COL28A1: variants seen among roughly 807,000 people sequenced by gnomAD.
COL28A1 encodes collagen alpha-1(XXVIII) chain.
A neutral mutation model predicts 150.2 loss-of-function variants in COL28A1; 161 were observed. That is an observed-to-expected ratio of 1.07 (90% CI 0.94 to 1.22). COL28A1 has a LOEUF of 1.22. Among genes scored for constraint, COL28A1 ranks in the 50% most tolerant of loss-of-function variants. The pLI, the probability that COL28A1 is intolerant of heterozygous loss-of-function variation, is 0.00. For synonymous variants in COL28A1, 552 were observed against 469.7 expected (o/e 1.18, Z -2.26); for missense variants, 1,617 against 1,388.3 (o/e 1.16, Z -2.62).
chr7:7,532,795 T>G lies in COL28A1; in HGVS notation c.81A>C (p.Lys27Asn), dbSNP rs1225482751. The change falls in exon 2 of 35, where the codon AAA becomes AAC. Residue 27 changes from lysine (K) to asparagine (N), a missense_variant. Coordinates refer to ENST00000399429, the MANE Select transcript of COL28A1 (RefSeq NM_001037763.3). ...TSQTVSGQRK[K>N]GPKSNLLARK... Reference sequence around the variant, plus strand: ...TTGCAAGCAAATTTGATTTTGGTCCTTTCTTTCTTTGTCCGGATACTGTTT... The same window carrying G: ...TTGCAAGCAAATTTGATTTTGGTCCGTTCTTTCTTTGTCCGGATACTGTTT... 2.7e-5 allele frequency: 43 copies of G among 1,612,062 alleles called. No homozygotes were observed. Among genetic ancestry groups the G allele is most frequent in the Non-Finnish European group, 3.6e-5 (43 of 1,179,256 alleles).
chr7:7,366,546 T>C (rs1182445466), intron 33 of COL28A1, among the ~76,000 whole-genome samples: 1 of 152,244 alleles, frequency 6.6e-6, no homozygotes, highest in Non-Finnish European at 1.5e-5. Context: ...TAAATAATAC[T>C]TGTACAGCAA....
At chr7:7,516,943 T>G (rs1278682117) in intron 7 of COL28A1, among the ~76,000 whole-genome samples, 4 of 152,094 alleles carry the variant, frequency 2.6e-5, no homozygotes. Flanking sequence ...AACTTCCAAA[T>G]GTGTGGTCAA....
chr7:7,536,934 T>G (rs1583597553), upstream of COL28A1, among the ~76,000 whole-genome samples: 1 of 152,276 alleles, frequency 6.6e-6, no homozygotes, highest in Non-Finnish European at 1.5e-5. Flanking sequence ...AACTGTGACA[T>G]AAAGTGAAAC....
the COL28A1 span, among the ~76,000 whole-genome samples, chr7:7,349,610 T>G: frequency 2.0e-4 from 31 of 152,142 alleles, no homozygotes; most frequent in Non-Finnish European, 4.1e-4. Flanking sequence ...GGCTCTGACT[T>G]GGTGTCCCCT....
rs745925326 is a variant in COL28A1, at chr7:7,381,584, C to T, written c.2165G>A (p.Gly722Asp). ...GCCATGGCCCATTGTGCCCTTTGGG[C>T]CTGGGAAGCCTTGTGGTCCTTGTTC... ...KGEQGPQGFP[G>D]PKGTMGHGLP... The change falls in exon 28 of 35, where the codon GGC becomes GAC. Residue 722 changes from glycine (G) to aspartate (D), a missense_variant. Coordinates refer to ENST00000399429, the MANE Select transcript of COL28A1 (RefSeq NM_001037763.3). 1.4e-5 allele frequency: 23 copies of T among 1,613,870 alleles called. No homozygotes were observed. In the East Asian group the frequency reaches 4.7e-4, roughly 33 times the overall value.
intron 13 of COL28A1, among the ~76,000 whole-genome samples, chr7:7,486,161 G>A (rs1266795529): frequency 1.3e-5 from 2 of 152,030 alleles, no homozygotes; most frequent in Non-Finnish European, 2.9e-5. Flanking sequence ...AGCCCTATAT[G>A]TGTCTTATTA....
chr7:7,380,884 G>C, intron 28 of COL28A1, 22 bp from the exon 29 acceptor site: 1 of 1,589,368 alleles, frequency 6.3e-7, no homozygotes. Flanking sequence ...AGGGTAAAAT[G>C]ATAGGTTCAG....
chr7:7,531,093 T>A (rs1045265772), intron 3 of COL28A1, among the ~76,000 whole-genome samples: 5 of 152,124 alleles, frequency 3.3e-5, no homozygotes, highest in African/African-American at 1.2e-4. Flanking sequence ...AAATAACCCC[T>A]TCCAAAATCC....
Position 7,373,024 on chromosome 7 carries a change from T to C in COL28A1, c.2882A>G (p.Gln961Arg). Reference protein sequence around the residue: ...LIATDPEHVYQFDDFFTLQDT... With the variant: ...LIATDPEHVYRFDDFFTLQDT... ...TTGCAGGGTAAAGAAATCATCAAAC[T>C]GGTAAACATGCTCTGGGTCAGTAGC... The change falls in exon 32 of 35, where the codon CAG becomes CGG. Residue 961 changes from glutamine to arginine, a missense_variant. Coordinates refer to ENST00000399429, the MANE Select transcript of COL28A1 (RefSeq NM_001037763.3). The surrounding 1 kb of genome is among the most constrained non-coding windows in gnomAD (Gnocchi z 4.1). 2 of 1,614,002 alleles carry C rather than the reference T, an allele frequency of 1.2e-6. No individual in the cohort carries two copies. Among genetic ancestry groups the C allele is most frequent in the South Asian group, 2.2e-5 (2 of 91,012 alleles).
At chr7:7,446,468 C>G (rs977532802) in intron 18 of COL28A1, among the ~76,000 whole-genome samples, 14 of 152,130 alleles carry the variant, frequency 9.2e-5, no homozygotes, top group African/African-American at 3.4e-4. Flanking sequence ...TCTACTTTCT[C>G]TCTCTCCAAG....
intron 23 of COL28A1, among the ~76,000 whole-genome samples, chr7:7,436,151 A>G (rs774501025): frequency 6.6e-5 from 10 of 152,228 alleles, no homozygotes; most frequent in Non-Finnish European, 1.2e-4. Flanking sequence ...TGACAGTGCA[A>G]AAGAGCATTT....
chr7:7,485,008 A>G (rs1779544527), intron 13 of COL28A1, among the ~76,000 whole-genome samples: 1 of 152,188 alleles, frequency 6.6e-6, no homozygotes. Flanking sequence ...GAGGATGGAT[A>G]AATTGCCTAT....
chr7:7,343,194 A>G, the COL28A1 span, among the ~76,000 whole-genome samples: 2 of 150,508 alleles, frequency 1.3e-5, no homozygotes, highest in South Asian at 2.1e-4. Context: ...AGATTTTTCA[A>G]ATTTATCCTA....
At chr7:7,492,912 A>G (rs7459128) in intron 11 of COL28A1, among the ~76,000 whole-genome samples, 16,993 of 150,124 alleles carry the variant, frequency 0.11, 1,031 homozygotes, top group Middle Eastern at 0.22. Context: ...GTTGACTGAC[A>G]TTCTCATTTT....
chr7:7,396,676 G>A (rs1464493786), intron 27 of COL28A1, among the ~76,000 whole-genome samples: 1 of 152,198 alleles, frequency 6.6e-6, no homozygotes, highest in African/African-American at 2.4e-5. Context: ...GCCATTTGTT[G>A]AAGTGTAGGC....
At chr7:7,390,629 T>G (rs916889938) in intron 27 of COL28A1, among the ~76,000 whole-genome samples, 2 of 152,178 alleles carry the variant, frequency 1.3e-5, no homozygotes, top group African/African-American at 2.4e-5. Context: ...TCTTGGGCTT[T>G]TTTTGCTTGG....
At chr7:7,446,246 A>C (rs1476798606) in intron 18 of COL28A1, among the ~76,000 whole-genome samples, 1 of 152,196 alleles carries the variant, frequency 6.6e-6, no homozygotes, top group Non-Finnish European at 1.5e-5. Flanking sequence ...TTTTTAAAAG[A>C]TATCAATAAA....
At chr7:7,521,335 G>T (rs181747608) in intron 5 of COL28A1, among the ~76,000 whole-genome samples, 6 of 152,126 alleles carry the variant, frequency 3.9e-5, no homozygotes, top group African/African-American at 1.2e-4. Flanking sequence ...CTCCTTCCTG[G>T]ATTATCTTAT....
intron 7 of COL28A1, among the ~76,000 whole-genome samples, chr7:7,517,119 T>A (rs1293778356): frequency 6.6e-6 from 1 of 152,178 alleles, no homozygotes; most frequent in Non-Finnish European, 1.5e-5. Flanking sequence ...TTGTTGACAT[T>A]ACTAAACTTT....
Sources: allele counts gnomAD v4.1 joint callset (sites outside exome capture counted in the v4.1 genomes callset), GRCh38; gene constraint gnomAD v4.1.1; non-coding constraint Gnocchi (gnomAD v3.1); transcripts MANE v1.5; gene names NCBI Gene and HGNC (gene_info 2026-07-23, HGNC 2026-07-21).